The following TCF20 variants were observed in gnomAD, a reference collection of about 807,000 sequenced individuals.
TCF20 encodes the protein SPRE-binding protein.
In TCF20, 3 loss-of-function variants were observed where a neutral mutation model predicts 148.6. The ratio of observed to expected loss-of-function variants is 0.02; its 90% CI spans 0.01 to 0.05. TCF20 has a LOEUF of 0.05. Ranked by LOEUF, TCF20 falls within the 10% of genes least tolerant of loss-of-function variation. The probability of loss-of-function intolerance (pLI) is 1.00; values close to 1 mark genes in which losing one functional copy is unlikely to be tolerated. For missense variants in TCF20, 2,350 were observed against 2,429.3 expected, an observed-to-expected ratio of 0.97 and a Z score of 0.69; for synonymous variants, 1,049 against 909.5, an observed-to-expected ratio of 1.15 and a Z score of -2.76.
intron 1 of TCF20, among the ~76,000 whole-genome samples, chr22:42,251,972 G>A (rs1035198099): frequency 6.6e-6 from 1 of 151,792 alleles, no homozygotes; most frequent in African/African-American, 2.4e-5. Flanking sequence ...GGGAGGCTGA[G>A]GTGGGCAGAT....
chr22:42,236,290 C>T (rs982731229), intron 1 of TCF20, among the ~76,000 whole-genome samples: 4 of 152,154 alleles, frequency 2.6e-5, no homozygotes, highest in African/African-American at 9.7e-5. Flanking sequence ...TAAATAACTA[C>T]TGATTGGTGT....
intron 1 of TCF20, among the ~76,000 whole-genome samples, chr22:42,330,735 CT>C (rs1441744253): frequency 1.3e-5 from 2 of 152,240 alleles, no homozygotes; most frequent in Non-Finnish European, 2.9e-5. Flanking sequence ...ATCCGAGCCC[CT>C]GATCCAGCCC....
At chr22:42,265,987 TC>T (rs1926266841) in intron 1 of TCF20, among the ~76,000 whole-genome samples, 1 of 151,696 alleles carries the variant, frequency 6.6e-6, no homozygotes, top group South Asian at 2.1e-4. Context: ...TTTAGGGAAC[TC>T]CCAGGGGGTC....
chr22:42,285,261 C>T (rs1226649920), upstream of TCF20, among the ~76,000 whole-genome samples: 1 of 152,102 alleles, frequency 6.6e-6, no homozygotes, highest in East Asian at 1.9e-4. The surrounding 1 kb of genome is among the most constrained non-coding windows in gnomAD (Gnocchi z 4.2). Context: ...CTGGTGAGGG[C>T]CTACTAAGCG....
At position 42,230,882 on chromosome 22, in the gene TCF20, G is replaced by A. The variant is rs151233120; in HGVS notation, c.-36-15541C>T. On this transcript the variant is annotated intron_variant, in intron 1 of 5. Coordinates refer to ENST00000677622, the MANE Select transcript of TCF20 (RefSeq NM_001378418.1). Reference sequence around the variant, plus strand: ...AATAAAAAATATTTAAATATGGCTCGGTGAGGTGGCTCACGTCTGTAATCC... The same window carrying A: ...AATAAAAAATATTTAAATATGGCTCAGTGAGGTGGCTCACGTCTGTAATCC... 9.2e-4 allele frequency among the ~76,000 whole-genome samples: 139 copies of A among 151,670 alleles called. No homozygotes were observed. In the Middle Eastern group the frequency reaches 0.017, roughly 19 times the overall value.
Position 42,211,083 on chromosome 22 carries a change from C to T in TCF20, c.4223G>A (p.Arg1408Lys), listed in dbSNP as rs758497667. 6.2e-6 allele frequency: 10 copies of T among 1,614,184 alleles called. No homozygotes were observed. In the East Asian group the frequency reaches 2.2e-4, roughly 36 times the overall value. Residue 1408 changes from arginine (R) to lysine (K), a missense_variant, in exon 2 of 6, where the codon AGA becomes AAA. Arg to Lys is a conservative substitution (Grantham distance 26, BLOSUM62 2). Transcript: ENST00000677622. ...VAVQDADIEK[R>K]KGEVASDLVS... ...TAGGTCCGAAGCCACCTCACCTTTT[C>T]TCTTCTCTATGTCAGCATCCTGAAC...
intron 1 of TCF20, among the ~76,000 whole-genome samples, chr22:42,332,983 A>G (rs981015657): frequency 6.6e-6 from 1 of 152,312 alleles, no homozygotes. Context: ...CTAGGTCTGG[A>G]TCTGGATGGA....
At position 42,161,123 on chromosome 22, in the gene TCF20, CT is replaced by C; in HGVS notation, c.*279del. 2.6e-6 allele frequency: 1 copy of C among 389,382 alleles called. No homozygotes were observed. Among genetic ancestry groups the C allele is most frequent in the Non-Finnish European group, 4.6e-6 (1 of 217,086 alleles). 24.1% of individuals were successfully genotyped at this position (389,382 alleles called of 1,614,324 possible). ...TTCCCCATCATCCCACCCCTCCCCC[CT>C]CCCCCCACATTGTCACTATGGAGAT... On this transcript the variant is annotated 3_prime_UTR_variant, in exon 6 of 6. Transcript: ENST00000677622.
chr22:42,255,277 G>A (rs967045117), intron 1 of TCF20, among the ~76,000 whole-genome samples: 2 of 151,928 alleles, frequency 1.3e-5, no homozygotes, highest in Non-Finnish European at 2.9e-5. Context: ...ACGAGGTCAG[G>A]AAATCGAGAC....
intron 1 of TCF20, among the ~76,000 whole-genome samples, chr22:42,307,814 C>T (rs576273279): frequency 2.0e-5 from 3 of 152,316 alleles, no homozygotes; most frequent in East Asian, 1.9e-4. Flanking sequence ...CCCTACCCAG[C>T]GGTGTGACTC....
chr22:42,196,558 T>C (rs181854362), intron 2 of TCF20, among the ~76,000 whole-genome samples: 27 of 152,280 alleles, frequency 1.8e-4, no homozygotes, highest in African/African-American at 5.8e-4. Flanking sequence ...CAGCTTTGTA[T>C]GAAAAAACAA....
intron 1 of TCF20, among the ~76,000 whole-genome samples, chr22:42,227,159 C>T (rs1922984743): frequency 6.6e-6 from 1 of 152,036 alleles, no homozygotes; most frequent in South Asian, 2.1e-4. Context: ...GGCACATGCC[C>T]GTAATCCTAG....
rs566931965 is a variant in TCF20 at position 42,294,246 on chromosome 22, C to T, written c.-37+49233G>A. Reference sequence around the variant, plus strand: ...GTGCATTAATAGAGCACAAACCCTGCGTGCACTACACTGGCAGGCACCTGC... The same window carrying T: ...GTGCATTAATAGAGCACAAACCCTGTGTGCACTACACTGGCAGGCACCTGC... On this transcript the variant is annotated intron_variant, in intron 1 of 1. Transcript: ENST00000515426. Among the ~76,000 whole-genome samples, 21 of 152,326 alleles carry T rather than the reference C, an allele frequency of 1.4e-4. No homozygotes were observed. The South Asian group carries it at 3.5e-3, about 26-fold the overall frequency.
rs986456362 is a variant in TCF20, at chr22:42,297,394, G to C, written c.-37+46085C>G. Among the ~76,000 whole-genome samples the C allele has an allele frequency of 6.6e-6, 1 of 152,216 alleles. No homozygotes were observed. The highest frequency in any genetic ancestry group is 1.5e-5 in the Non-Finnish European group (1 of 68,048). ...GAGGAGTGGGTCCTCATTTGCATTAGACGGTAAATCTAAGGACACTGGTTG... is the reference window on the plus strand; with the variant it reads ...GAGGAGTGGGTCCTCATTTGCATTACACGGTAAATCTAAGGACACTGGTTG... On this transcript the variant is annotated intron_variant, in intron 1 of 1. Transcript: ENST00000515426. The surrounding 1 kb of genome is among the most constrained non-coding windows in gnomAD (Gnocchi z 4.3).
intron 1 of TCF20, among the ~76,000 whole-genome samples, chr22:42,263,978 G>A (rs1926151841): frequency 6.6e-6 from 1 of 152,118 alleles, no homozygotes; most frequent in Admixed American, 6.6e-5. Flanking sequence ...CAAAGGGTTA[G>A]ACTAGACAAT....
rs1448059174 is a variant in TCF20, at chr22:42,213,969, T to G, written c.1337A>C (p.Lys446Thr). Residue 446 changes from lysine (K) to threonine (T), a missense_variant, in exon 2 of 6, where the codon AAG becomes ACG. By Grantham distance (78) the Lys-to-Thr change is moderately conservative. Coordinates refer to ENST00000677622, the MANE Select transcript of TCF20 (RefSeq NM_001378418.1). The part of the protein sequence containing the change: ...KGFGLEGVPE[K>T]RLTDPGLSSL... Reference sequence around the variant, plus strand: ...ACTCAACCCAGGATCTGTCAGTCGCTTTTCTGGTACCCCTTCTAGTCCAAA... The same window carrying G: ...ACTCAACCCAGGATCTGTCAGTCGCGTTTCTGGTACCCCTTCTAGTCCAAA... 6.2e-7 allele frequency: 1 copy of G among 1,614,146 alleles called. No homozygotes were observed.
chr22:42,300,923 C>T (rs1017449210), intron 1 of TCF20, among the ~76,000 whole-genome samples: 1 of 152,160 alleles, frequency 6.6e-6, no homozygotes, highest in African/African-American at 2.4e-5. Context: ...TGTTGCTCCC[C>T]AAGGCCCTGA....
At position 42,250,260 on chromosome 22, in the gene TCF20, G is replaced by A. The variant is rs191406520; in HGVS notation, c.-37+20079C>T. Among the ~76,000 whole-genome samples, 225 of 152,144 alleles carry A rather than the reference G, an allele frequency of 1.5e-3. 1 individual carries two copies. The highest frequency in any genetic ancestry group is 0.014 in the Middle Eastern group (4 of 294). ...TCGAGGCCAGCCTGGCCAATACGGTGAAATCCTGTCTCTACAAAAATTAAT... is the reference window on the plus strand; with the variant it reads ...TCGAGGCCAGCCTGGCCAATACGGTAAAATCCTGTCTCTACAAAAATTAAT... On this transcript the variant is annotated intron_variant, in intron 1 of 5. Coordinates refer to ENST00000677622, the MANE Select transcript of TCF20 (RefSeq NM_001378418.1).
chr22:42,232,332 G>A (rs1923492706), intron 1 of TCF20, among the ~76,000 whole-genome samples: 1 of 151,724 alleles, frequency 6.6e-6, no homozygotes, highest in South Asian at 2.1e-4. Context: ...TTAGAACAAC[G>A]ACAAAAATCA....
Sources: allele counts gnomAD v4.1 joint callset (sites outside exome capture counted in the v4.1 genomes callset), GRCh38; gene constraint gnomAD v4.1.1; non-coding constraint Gnocchi (gnomAD v3.1); transcripts MANE v1.5; gene names NCBI Gene and HGNC (gene_info 2026-07-23, HGNC 2026-07-21).